Variants in USB1 observed in about 807,000 individuals in gnomAD.
USB1 encodes U6 snRNA phosphodiesterase 1.
A neutral mutation model predicts 29.9 loss-of-function variants in USB1; 21 were observed. That is an observed-to-expected ratio of 0.70 (90% CI 0.50 to 1.01). The LOEUF is 1.01. USB1 is among the 50% of genes least tolerant of loss of function. The pLI is 0.00. For synonymous variants in USB1, 143 were observed against 134.9 expected (o/e 1.06, Z -0.42); for missense variants, 330 against 347.1 (o/e 0.95, Z 0.39).
intron 5 of USB1, among the ~76,000 whole-genome samples, chr16:58,018,158 G>T (rs768312678): frequency 6.6e-6 from 1 of 151,048 alleles, no homozygotes; most frequent in Non-Finnish European, 1.5e-5. Context: ...CTAAATAACA[G>T]AAATTTATTT....
At chr16:58,001,281 C>G, upstream of USB1, 1 of 657,658 alleles carries the variant, frequency 1.5e-6, no homozygotes, top group Non-Finnish European at 2.7e-6. Context: ...GTGACCAGAT[C>G]CGCGTGCGCA....
At chr16:58,000,055 G>T (rs926296197), upstream of USB1, among the ~76,000 whole-genome samples, 5 of 152,110 alleles carry the variant, frequency 3.3e-5, no homozygotes, top group African/African-American at 1.2e-4. The surrounding 1 kb of genome is among the most constrained non-coding windows in gnomAD (Gnocchi z 4.5). Flanking sequence ...GCCCCACCCC[G>T]TCTCTTCTTC....
intron 1 of USB1, among the ~76,000 whole-genome samples, chr16:58,002,113 T>C (rs1355239676): frequency 3.3e-5 from 5 of 152,214 alleles, no homozygotes; most frequent in Admixed American, 1.3e-4. Flanking sequence ...ACAATTGCTC[T>C]ATCAGGTAGA....
At chr16:58,000,675 ACGGG>A (rs1036408958), upstream of USB1, among the ~76,000 whole-genome samples, 2 of 136,460 alleles carry the variant, frequency 1.5e-5, no homozygotes, top group Admixed American at 1.4e-4. This position sits in a 1 kb window ranked among gnomAD's most constrained non-coding sequence, Gnocchi z 4.5. Context: ...AGACGGGCGG[ACGGG>A]CGGGCGGCGC....
Position 58,002,482 on chromosome 16 carries a change from C to T in USB1, c.102C>T (p.Gly34=), listed in dbSNP as rs144716560. ...TTTTTCTTTTTTTCTTTTGCAGTGGCCAGAGCCCCCTTCCCAGGCAGAGAT... is the reference window on the plus strand; with the variant it reads ...TTTTTCTTTTTTTCTTTTGCAGTGGTCAGAGCCCCCTTCCCAGGCAGAGAT... ...TRPGDGSHRR[G]QSPLPRQRFP... Residue 34 remains glycine, a synonymous_variant, in exon 2 of 7, where the codon GGC becomes GGT. Transcript: ENST00000219281. 15 of 1,613,912 alleles carry T rather than the reference C, an allele frequency of 9.3e-6. No homozygotes were observed. The South Asian group carries it at 1.6e-4, about 18-fold the overall frequency.
upstream of USB1, among the ~76,000 whole-genome samples, chr16:58,000,736 C>T (rs1001102058): frequency 2.0e-5 from 3 of 150,992 alleles, no homozygotes; most frequent in Non-Finnish European, 4.4e-5. This position sits in a 1 kb window ranked among gnomAD's most constrained non-coding sequence, Gnocchi z 4.5. Flanking sequence ...TCCCGGGCGG[C>T]GGCGGCCAAT....
At chr16:58,012,838 C>T in intron 3 of USB1, 1 of 992,370 alleles carries the variant, frequency 1.0e-6, no homozygotes, top group African/African-American at 1.7e-5. Context: ...CTGGGCTCCC[C>T]TGCATACAGT....
chr16:58,000,550 G>A (rs957367781), upstream of USB1: 1 of 150,210 alleles, frequency 6.7e-6, no homozygotes, highest in Non-Finnish European at 1.5e-5. The surrounding 1 kb of genome is among the most constrained non-coding windows in gnomAD (Gnocchi z 4.5). Context: ...CCGGACCGGG[G>A]GCGGGGGACG....
chr16:58,018,965 T>C lies in USB1; in HGVS notation c.610-7T>C, dbSNP rs1963681106. On this transcript the variant is annotated splice_region_variant and splice_polypyrimidine_tract_variant and intron_variant, in intron 5 of 6. Transcript: ENST00000219281. ...GGTGACTGCCTGCCTCTCGTTTCCC[T>C]CCCCAGGATCCTTCTTTCCACCTCA... The C allele has an allele frequency of 6.2e-7, 1 of 1,614,110 alleles. No individual in the cohort carries two copies. Among genetic ancestry groups the C allele is most frequent in the Middle Eastern group, 1.7e-4 (1 of 6,038 alleles).
intron 4 of USB1, among the ~76,000 whole-genome samples, chr16:58,014,719 G>A (rs1478679944): frequency 6.6e-6 from 1 of 152,134 alleles, no homozygotes; most frequent in African/African-American, 2.4e-5. Context: ...GGAGGTCGAG[G>A]CTGCAGTGAG....
chr16:58,020,557 C>CCTT lies in USB1; in HGVS notation c.*313_*314insTTC. On this transcript the variant is annotated 3_prime_UTR_variant, in exon 7 of 7. Transcript: ENST00000219281. ...CTCTCTTCCCCTCCTGTCTCTCCTC[C>CCTT]CCTCCTCTCTTCCTCTCCTCTCTCT... The CCTT allele has an allele frequency of 3.6e-6, 1 of 274,874 alleles. No individual in the cohort carries two copies. Among genetic ancestry groups the CCTT allele is most frequent in the Non-Finnish European group, 6.3e-6 (1 of 158,222 alleles). 17.0% of individuals were successfully genotyped at this position (274,874 alleles called of 1,614,324 possible).
Position 58,018,968 on chromosome 16 carries a change from C to T in USB1, c.610-4C>T, listed in dbSNP as rs1299820513. On this transcript the variant is annotated splice_region_variant and splice_polypyrimidine_tract_variant and intron_variant, in intron 5 of 6. Transcript: ENST00000219281. ...GACTGCCTGCCTCTCGTTTCCCTCC[C>T]CAGGATCCTTCTTTCCACCTCAGCC... is the stretch of plus-strand genomic sequence containing the variant. 4 of 1,614,162 alleles carry T rather than the reference C, an allele frequency of 2.5e-6. No individual in the cohort carries two copies. Among genetic ancestry groups the T allele is most frequent in the Non-Finnish European group, 3.4e-6 (4 of 1,180,022 alleles).
At chr16:58,003,253 T>G (rs1218096348) in intron 2 of USB1, among the ~76,000 whole-genome samples, 1 of 152,158 alleles carries the variant, frequency 6.6e-6, no homozygotes, top group Non-Finnish European at 1.5e-5. Flanking sequence ...GTAGAAACCC[T>G]GTTTCTACCA....
rs1456515688 is a variant in USB1, at chr16:58,001,577, C to T, written c.94C>T (p.Arg32Cys). 2 of 1,605,438 alleles carry T rather than the reference C, an allele frequency of 1.2e-6. No homozygotes were observed. Among genetic ancestry groups the T allele is most frequent in the African/African-American group, 2.7e-5 (2 of 74,794 alleles). ...GACCAGGCCGGGGGATGGGAGCCAC[C>T]GTCGGTGAGGAGTGAGGAAGTCTCT... Reference protein sequence around the residue: ...MRTRPGDGSHRRGQSPLPRQR... With the variant: ...MRTRPGDGSHCRGQSPLPRQR... Residue 32 changes from arginine (R) to cysteine (C), a missense_variant, in exon 1 of 7, where the codon CGT (arginine) becomes TGT (cysteine). Arg to Cys is a radical substitution (Grantham distance 180). Transcript: ENST00000219281.
In USB1 at chr16:58,020,133, GT is replaced by G. The variant is rs777021661; in HGVS notation, c.694-4del. 2 of 1,614,156 alleles carry G rather than the reference GT, an allele frequency of 1.2e-6. No individual in the cohort carries two copies. ...ATGTGACTGTCCTCCCCTGGCTGCTGTTTTAAGGCAATCGTGGATGGGTTTG... is the reference window on the plus strand; with the variant it reads ...ATGTGACTGTCCTCCCCTGGCTGCTGTTTAAGGCAATCGTGGATGGGTTTG... On this transcript the variant is annotated splice_polypyrimidine_tract_variant and splice_region_variant and intron_variant, in intron 6 of 6. Coordinates refer to ENST00000219281, the MANE Select transcript of USB1 (RefSeq NM_024598.4).
intron 1 of USB1, 144 bp from the exon 2 acceptor site, chr16:58,002,335 C>T: frequency 2.3e-6 from 3 of 1,311,876 alleles, no homozygotes; most frequent in Non-Finnish European, 3.2e-6. Context: ...AACAATTTCG[C>T]TATCTAGAAG....
rs1286299721 is a variant in USB1, at chr16:58,020,314, G to A, written c.*69G>A. The A allele has an allele frequency of 1.3e-5, 20 of 1,490,420 alleles. No individual in the cohort carries two copies. The highest frequency in any genetic ancestry group is 5.5e-5 in the African/African-American group (4 of 72,422). 92.3% of individuals were successfully genotyped at this position (1,490,420 alleles called of 1,614,324 possible). ...TGAGATGGAGGAACCTGCTAAAATC[G>A]ATGGAGATGCTTCTAGCCTCCCAGT... is the stretch of plus-strand genomic sequence containing the variant. On this transcript the variant is annotated 3_prime_UTR_variant, in exon 7 of 7. Transcript: ENST00000219281.
intron 1 of USB1, 120 bp downstream of exon 1, chr16:58,001,701 G>C (rs1963200094): frequency 8.7e-7 from 1 of 1,155,500 alleles, no homozygotes; most frequent in African/African-American, 1.5e-5. Flanking sequence ...GAAGGAAAAG[G>C]GGACGCAGGA....
chr16:58,013,581 T>G lies in USB1; in HGVS notation c.450-692T>G. 3.8e-6 allele frequency: 3 copies of G among 786,288 alleles called. No individual in the cohort carries two copies. The highest frequency in any genetic ancestry group is 4.5e-6 in the Non-Finnish European group (3 of 661,370). 48.7% of individuals were successfully genotyped at this position (786,288 alleles called of 1,614,324 possible). A position where few individuals can be genotyped will look rare whatever the true frequency, so the allele number is the denominator to read the frequency against. ...GCACTTACCTAGCTGAGCCTGACTC[T>G]TCCCGTGTTATTGATCTGAGGGGTG... On this transcript the variant is annotated intron_variant, in intron 3 of 6. Transcript: ENST00000219281. The surrounding 1 kb of genome is among the most constrained non-coding windows in gnomAD (Gnocchi z 4.3).
Sources: gnomAD v4.1 joint callset for allele counts (sites outside exome capture counted in the v4.1 genomes callset) on GRCh38, gnomAD v4.1.1 for gene constraint, Gnocchi (gnomAD v3.1) non-coding constraint, MANE v1.5 for transcripts, NCBI Gene and HGNC (gene_info 2026-07-23, HGNC 2026-07-21) for gene names.